Variants in WDR49 observed in about 807,000 individuals in gnomAD.
The protein encoded by WDR49 is WD repeat domain 49, also known as cilia- and flagella-associated protein 337.
Under a neutral mutation model 119.5 loss-of-function variants are expected in WDR49, and 107 were observed. The observed-to-expected ratio is 0.90, with a 90% confidence interval of 0.77 to 1.05. The LOEUF is 1.05. WDR49 is among the 50% of genes least tolerant of loss of function. The pLI is 0.00. For missense variants in WDR49, 1,240 were observed against 1,220.5 expected, an observed-to-expected ratio of 1.02 and a Z score of -0.24; for synonymous variants, 425 against 418.8, an observed-to-expected ratio of 1.01 and a Z score of -0.18.
intron 8 of WDR49, among the ~76,000 whole-genome samples, chr3:167,562,829 T>C (rs1713347816): frequency 6.6e-6 from 1 of 152,238 alleles, no homozygotes; most frequent in African/African-American, 2.4e-5. Flanking sequence ...GAAATATTCA[T>C]AGTAACTACT....
chr3:167,569,447 T>C (rs1713801671), intron 8 of WDR49, among the ~76,000 whole-genome samples: 1 of 152,314 alleles, frequency 6.6e-6, no homozygotes, highest in African/African-American at 2.4e-5. Context: ...GTATAATATT[T>C]TCTTGATTTT....
Position 167,525,426 on chromosome 3 carries a change from T to C in WDR49, c.2604+2394A>G, listed in dbSNP as rs529630785. 8.6e-5 allele frequency among the ~76,000 whole-genome samples: 13 copies of C among 151,932 alleles called. No individual in the cohort carries two copies. The South Asian group carries it at 2.7e-3, about 32-fold the overall frequency. On this transcript the variant is annotated intron_variant, in intron 15 of 18. Transcript: ENST00000682715. ...TTTCTCTTGCCTGATTGCTCTTTTT[T>C]TAAGAGAAATGAGAAACTTGAATCT...
At chr3:167,541,389 C>T (rs1025382015) in intron 10 of WDR49, among the ~76,000 whole-genome samples, 1 of 152,254 alleles carries the variant, frequency 6.6e-6, no homozygotes, top group Non-Finnish European at 1.5e-5. Context: ...GGACTGGGGT[C>T]CTATCTTTAG....
At chr3:167,595,334 C>T (rs1386282801) in intron 7 of WDR49, among the ~76,000 whole-genome samples, 1 of 152,098 alleles carries the variant, frequency 6.6e-6, no homozygotes, top group Non-Finnish European at 1.5e-5. Context: ...CATCAAGCTA[C>T]CAATGACTTT....
At chr3:167,510,116 G>A (rs1025693910) in intron 16 of WDR49, among the ~76,000 whole-genome samples, 3 of 152,104 alleles carry the variant, frequency 2.0e-5, no homozygotes, top group Admixed American at 1.3e-4. Context: ...CAGGCACAGC[G>A]GCTCATGCCT....
chr3:167,621,156 T>G lies in WDR49; in HGVS notation c.783+311A>C, dbSNP rs188935068. Among the ~76,000 whole-genome samples, 329 of 152,208 alleles carry G rather than the reference T, an allele frequency of 2.2e-3. 1 individual carries two copies. Among genetic ancestry groups the G allele is most frequent in the African/African-American group, 7.4e-3 (307 of 41,542 alleles). On this transcript the variant is annotated intron_variant, in intron 4 of 18. Transcript: ENST00000682715. ...AATGTAATCATTTAATATTAAACAT[T>G]TATTCATATTAGGATCTAATAAATT... is the stretch of plus-strand genomic sequence containing the variant.
At chr3:167,553,544 A>T (rs1226306768) in intron 10 of WDR49, among the ~76,000 whole-genome samples, 2 of 152,166 alleles carry the variant, frequency 1.3e-5, no homozygotes, top group Non-Finnish European at 2.9e-5. Context: ...TGATTATTTT[A>T]AAAAATTCCT....
At chr3:167,567,763 A>T (rs1159875500) in intron 8 of WDR49, among the ~76,000 whole-genome samples, 2 of 152,198 alleles carry the variant, frequency 1.3e-5, no homozygotes, top group Non-Finnish European at 2.9e-5. Flanking sequence ...TCTTGAAATC[A>T]TAAGATTCTG....
intron 6 of WDR49, among the ~76,000 whole-genome samples, chr3:167,603,578 C>T (rs911554344): frequency 9.2e-5 from 14 of 152,128 alleles, no homozygotes; most frequent in African/African-American, 2.4e-4. Flanking sequence ...TGACCCATTC[C>T]GTAGACCATG....
chr3:167,597,562 G>A (rs572673410), intron 7 of WDR49, among the ~76,000 whole-genome samples: 45 of 152,062 alleles, frequency 3.0e-4, no homozygotes, highest in East Asian at 9.7e-4. Context: ...AGCTTGCGTC[G>A]TGCACCTGAA....
chr3:167,592,308 C>A (rs995706755), intron 7 of WDR49, among the ~76,000 whole-genome samples: 2 of 152,054 alleles, frequency 1.3e-5, no homozygotes, highest in African/African-American at 4.8e-5. Context: ...ATTAGTTCAT[C>A]ATTTAATCTT....
At chr3:167,553,024 A>ATCC (rs1464384060) in intron 10 of WDR49, among the ~76,000 whole-genome samples, 1 of 152,068 alleles carries the variant, frequency 6.6e-6, no homozygotes, top group African/African-American at 2.4e-5. Flanking sequence ...TTAACGGTCC[A>ATCC]TCCTCCTGTA....
chr3:167,563,247 A>G (rs983780900), intron 8 of WDR49, among the ~76,000 whole-genome samples: 1 of 150,930 alleles, frequency 6.6e-6, no homozygotes, highest in East Asian at 2.0e-4. Context: ...CCAGCTACTC[A>G]GGAGGCTGAG....
intron 7 of WDR49, among the ~76,000 whole-genome samples, chr3:167,598,254 G>A (rs1560305594): frequency 6.7e-6 from 1 of 150,244 alleles, no homozygotes; most frequent in Non-Finnish European, 1.5e-5. Flanking sequence ...GCAGTGAGCC[G>A]AGATCACACC....
At chr3:167,581,070 T>C (rs1435935625) in intron 7 of WDR49, among the ~76,000 whole-genome samples, 1 of 152,102 alleles carries the variant, frequency 6.6e-6, no homozygotes, top group Non-Finnish European at 1.5e-5. Flanking sequence ...AACGGGCATG[T>C]TTGGGAGCTC....
At chr3:167,607,143 C>T (rs564072953) in intron 5 of WDR49, among the ~76,000 whole-genome samples, 23 of 152,156 alleles carry the variant, frequency 1.5e-4, no homozygotes, top group Non-Finnish European at 3.1e-4. Flanking sequence ...TGAGGGATGT[C>T]ATTCCATTCC....
chr3:167,514,270 G>C (rs781704826), intron 16 of WDR49, among the ~76,000 whole-genome samples: 35 of 152,064 alleles, frequency 2.3e-4, no homozygotes, highest in African/African-American at 8.2e-4. Flanking sequence ...AGACCACAGC[G>C]CAATTTAATT....
At chr3:167,634,962 CT>C (rs1471990145) in intron 2 of WDR49, among the ~76,000 whole-genome samples, 2 of 151,772 alleles carry the variant, frequency 1.3e-5, no homozygotes, top group Admixed American at 1.3e-4. Flanking sequence ...GCTTTTTCCA[CT>C]TATATCATAC....
At chr3:167,545,509 T>TA (rs535132359) in intron 10 of WDR49, among the ~76,000 whole-genome samples, 54 of 108,260 alleles carry the variant, frequency 5.0e-4, no homozygotes, top group African/African-American at 1.1e-3. Context: ...ATATTATATA[T>TA]TATATATATA....
Sources: gnomAD v4.1 joint callset for allele counts (sites outside exome capture counted in the v4.1 genomes callset) on GRCh38, gnomAD v4.1.1 for gene constraint, MANE v1.5 for transcripts, NCBI Gene and HGNC (gene_info 2026-07-23, HGNC 2026-07-21) for gene names.